The following WDR7 variants were observed in gnomAD, a reference collection of about 807,000 sequenced individuals.
WDR7 encodes WD repeat-containing protein 7.
WDR7 carries 46 observed loss-of-function variants against 169.4 expected under a neutral mutation model. The observed-to-expected ratio is 0.27, with a 90% CI of 0.21 to 0.35. WDR7 has a LOEUF of 0.35. Among genes scored for constraint, WDR7 ranks in the 10% least tolerant of loss-of-function variants. The pLI is 1.00. For synonymous variants in WDR7, 612 were observed against 666.8 expected (o/e 0.92, Z 1.27); for missense variants, 1,534 against 1,859.3 (o/e 0.83, Z 3.22).
intron 19 of WDR7, among the ~76,000 whole-genome samples, chr18:56,801,565 G>A (rs901910967): frequency 5.3e-5 from 8 of 152,268 alleles, no homozygotes; most frequent in South Asian, 2.1e-4. Context: ...CATACAGAAC[G>A]TTTGTAGCAC....
intron 1 of WDR7, among the ~76,000 whole-genome samples, chr18:56,660,465 T>C (rs2024880283): frequency 6.6e-6 from 1 of 152,052 alleles, no homozygotes; most frequent in Admixed American, 6.6e-5. Flanking sequence ...CCTGTAAGTA[T>C]AATACAAATA....
At chr18:56,749,994 C>G (rs190430259) in intron 14 of WDR7, among the ~76,000 whole-genome samples, 1 of 150,966 alleles carries the variant, frequency 6.6e-6, no homozygotes, top group Non-Finnish European at 1.5e-5. Context: ...TTGCTGGAGG[C>G]TACTGTGTAT....
intron 19 of WDR7, among the ~76,000 whole-genome samples, chr18:56,795,500 A>G (rs907590793): frequency 2.0e-4 from 31 of 152,182 alleles, no homozygotes; most frequent in Non-Finnish European, 4.4e-4. Flanking sequence ...TTGGAACTAC[A>G]GAAGTTTTAC....
At chr18:56,700,143 T>C (rs1452532282) in intron 12 of WDR7, among the ~76,000 whole-genome samples, 1 of 152,062 alleles carries the variant, frequency 6.6e-6, no homozygotes, top group Non-Finnish European at 1.5e-5. Flanking sequence ...AAATATTGCC[T>C]AAATATAGTA....
rs766068316 is a variant in WDR7 at position 56,752,762 on chromosome 18, A to AGT, written c.1990-3820_1990-3819dup. On this transcript the variant is annotated intron_variant, in intron 14 of 27. Transcript: ENST00000254442. ...TTAGAACAGAAGTTTACCCACAGGAAGTAGTGATAGATCTGCTTGAAAAAT... is the reference window on the plus strand; with the variant it reads ...TTAGAACAGAAGTTTACCCACAGGAAGTGTAGTGATAGATCTGCTTGAAAAAT... Among the ~76,000 whole-genome samples, 30 of 152,332 alleles carry AGT rather than the reference A, an allele frequency of 2.0e-4. No homozygotes were observed. In the South Asian group the frequency reaches 2.5e-3, roughly 13 times the overall value.
At chr18:56,951,777 A>G (rs2047187520) in intron 25 of WDR7, among the ~76,000 whole-genome samples, 1 of 152,018 alleles carries the variant, frequency 6.6e-6, no homozygotes, top group African/African-American at 2.4e-5. Context: ...GCTTTTTCAA[A>G]GATTTAAGAC....
chr18:56,664,271 A>G (rs1598943630), intron 1 of WDR7, among the ~76,000 whole-genome samples: 1 of 152,176 alleles, frequency 6.6e-6, no homozygotes, highest in Non-Finnish European at 1.5e-5. Context: ...GGCGCAGACT[A>G]GAGTACATGA....
At chr18:56,936,180 G>A in intron 23 of WDR7, 1 of 362,080 alleles carries the variant, frequency 2.8e-6, no homozygotes, top group Non-Finnish European at 5.0e-6. Context: ...CTGAATTACA[G>A]CAGGCATATG....
intron 26 of WDR7, among the ~76,000 whole-genome samples, chr18:56,982,681 C>T (rs2047663617): frequency 6.6e-6 from 1 of 152,144 alleles, no homozygotes; most frequent in Non-Finnish European, 1.5e-5. Flanking sequence ...TTAAAAAAAT[C>T]CCACCAAATA....
chr18:56,682,564 G>A (rs1409850910), intron 4 of WDR7, 115 bp from the exon 5 acceptor site: 49 of 1,169,104 alleles, frequency 4.2e-5, no homozygotes, highest in Middle Eastern at 2.0e-4. Context: ...AATTCTTACC[G>A]AAGAAGTTGA....
chr18:56,879,661 A>G (rs2046076954), intron 20 of WDR7, among the ~76,000 whole-genome samples: 1 of 152,152 alleles, frequency 6.6e-6, no homozygotes, highest in South Asian at 2.1e-4. Context: ...TCATTATATA[A>G]TCCAGAATTA....
intron 26 of WDR7, among the ~76,000 whole-genome samples, chr18:56,965,894 A>G (rs913260630): frequency 3.3e-5 from 5 of 152,280 alleles, no homozygotes; most frequent in Middle Eastern, 3.4e-3. Context: ...ATATAATTAT[A>G]TTGATACAAG....
chr18:56,654,690 A>G (rs186031420), intron 1 of WDR7, among the ~76,000 whole-genome samples: 5 of 152,328 alleles, frequency 3.3e-5, no homozygotes. Context: ...AAATTAAAAA[A>G]TCTTTTGGCT....
At chr18:56,986,174 GTGTGTA>G (rs1405898449) in intron 26 of WDR7, among the ~76,000 whole-genome samples, 116 of 136,636 alleles carry the variant, frequency 8.5e-4, no homozygotes, top group Admixed American at 2.0e-3. Flanking sequence ...GTGTGTGTGT[GTGTGTA>G]TACATATTCA....
chr18:56,937,536 G>A (rs183613678), intron 23 of WDR7, among the ~76,000 whole-genome samples: 10 of 152,010 alleles, frequency 6.6e-5, no homozygotes, highest in African/African-American at 1.9e-4. Context: ...GGCTCTTCCC[G>A]GGCTAGTCCA....
chr18:56,817,888 G>T (rs2045009056), intron 20 of WDR7, among the ~76,000 whole-genome samples: 1 of 151,892 alleles, frequency 6.6e-6, no homozygotes, highest in African/African-American at 2.4e-5. Context: ...ATAACTACAG[G>T]TGCATACCAC....
At chr18:56,713,589 T>G (rs569269712) in intron 12 of WDR7, among the ~76,000 whole-genome samples, 1 of 152,346 alleles carries the variant, frequency 6.6e-6, no homozygotes, top group South Asian at 2.1e-4. Context: ...TTATTTTACT[T>G]ATACAGTTTA....
chr18:57,029,357 A>G lies in WDR7; in HGVS notation c.*2150A>G, dbSNP rs879750912. 1 of 152,206 alleles carries G rather than the reference A, an allele frequency of 6.6e-6. No homozygotes were observed. Among genetic ancestry groups the G allele is most frequent in the African/African-American group, 2.4e-5 (1 of 41,456 alleles). 9.4% of individuals were successfully genotyped at this position (152,206 alleles called of 1,614,324 possible). A position where few individuals can be genotyped will look rare whatever the true frequency, so the allele number is the denominator to read the frequency against. ...CTATGGCTGCAAAACCCTGGGGTGGACGATGTTTGATGATTAGACGGTCAT... is the reference window on the plus strand; with the variant it reads ...CTATGGCTGCAAAACCCTGGGGTGGGCGATGTTTGATGATTAGACGGTCAT... On this transcript the variant is annotated 3_prime_UTR_variant, in exon 28 of 28. Transcript: ENST00000254442.
chr18:56,991,249 C>T (rs577405764), intron 26 of WDR7, among the ~76,000 whole-genome samples: 2 of 148,044 alleles, frequency 1.4e-5, no homozygotes, highest in Non-Finnish European at 3.0e-5. Context: ...TGGGTTCATG[C>T]CATTCTCCTG....
Sources: allele counts gnomAD v4.1 joint callset (sites outside exome capture counted in the v4.1 genomes callset), GRCh38; gene constraint gnomAD v4.1.1; transcripts MANE v1.5; gene names NCBI Gene and HGNC (gene_info 2026-07-23, HGNC 2026-07-21).